PACRG: variants seen among roughly 807,000 people sequenced by gnomAD.
The protein encoded by PACRG is parkin coregulated, also known as parkin coregulated gene protein.
Under a neutral mutation model 29.7 loss-of-function variants are expected in PACRG, and 29 were observed. The observed-to-expected ratio is 0.98, with a 90% CI of 0.73 to 1.33. The LOEUF is 1.33. Ranked by LOEUF, PACRG falls within the 40% of genes most tolerant of loss-of-function variation. PACRG has a pLI of 0.00. For synonymous variants in PACRG, 116 were observed against 118.7 expected (o/e 0.98, Z 0.15); for missense variants, 279 against 316.2 (o/e 0.88, Z 0.89).
chr6:163,285,290 T>A (rs902282155), intron 4 of PACRG, among the ~76,000 whole-genome samples: 1 of 152,008 alleles, frequency 6.6e-6, no homozygotes. Context: ...CTGTGATCCT[T>A]TACGCCCCTG....
intron 3 of PACRG, among the ~76,000 whole-genome samples, chr6:163,070,942 A>G (rs549553755): frequency 1.3e-5 from 2 of 152,176 alleles, no homozygotes; most frequent in East Asian, 3.9e-4. Flanking sequence ...GTCATAAACT[A>G]TAAGAAGAAA....
chr6:162,773,076 G>A (rs1202486119), intron 1 of PACRG, among the ~76,000 whole-genome samples: 4 of 152,198 alleles, frequency 2.6e-5, no homozygotes, highest in African/African-American at 9.7e-5. Context: ...AGTGTGGCTG[G>A]TATGGTAGGG....
intron 2 of PACRG, among the ~76,000 whole-genome samples, chr6:162,845,431 T>C (rs1402759863): frequency 6.6e-6 from 1 of 152,066 alleles, no homozygotes; most frequent in Non-Finnish European, 1.5e-5. Context: ...TACCTTTTGG[T>C]AAAGTTTGTT....
At chr6:162,842,673 T>C (rs1789907255) in intron 2 of PACRG, among the ~76,000 whole-genome samples, 1 of 116,212 alleles carries the variant, frequency 8.6e-6, no homozygotes, top group Non-Finnish European at 1.7e-5. Flanking sequence ...CGTTAGTTGA[T>C]GCAGTTTCTT....
intron 4 of PACRG, among the ~76,000 whole-genome samples, chr6:163,232,058 G>A (rs113006029): frequency 8.5e-5 from 13 of 152,208 alleles, no homozygotes; most frequent in African/African-American, 2.9e-4. Context: ...CTTGAAGTGG[G>A]CACTGACTTG....
chr6:163,315,150 G>C lies in PACRG; in HGVS notation c.*163G>C. 2.8e-6 allele frequency: 2 copies of C among 714,862 alleles called. No homozygotes were observed. The highest frequency in any genetic ancestry group is 2.3e-6 in the Non-Finnish European group (1 of 444,096). The allele number at this position is 714,862 out of a possible 1,614,324, so 44.3% of individuals were successfully genotyped here. Reference sequence around the variant, plus strand: ...GACTGTTAGCCCTATTGAGAGCAAGGCTTTCCAATACATAAATAGTGTCTG... The same window carrying C: ...GACTGTTAGCCCTATTGAGAGCAAGCCTTTCCAATACATAAATAGTGTCTG... On this transcript the variant is annotated 3_prime_UTR_variant, in exon 5 of 5. Transcript: ENST00000366888.
intron 4 of PACRG, among the ~76,000 whole-genome samples, chr6:163,197,759 A>G (rs992881828): frequency 1.3e-5 from 2 of 151,978 alleles, no homozygotes; most frequent in East Asian, 1.9e-4. Flanking sequence ...GCTATTTTCT[A>G]TTCTTATGTT....
chr6:162,986,095 T>C (rs1423562450), intron 2 of PACRG, among the ~76,000 whole-genome samples: 1 of 152,146 alleles, frequency 6.6e-6, no homozygotes, highest in Non-Finnish European at 1.5e-5. Context: ...CATCCCATGC[T>C]CATGGATGGG....
intron 4 of PACRG, among the ~76,000 whole-genome samples, chr6:163,243,419 C>T (rs1471950430): frequency 6.6e-6 from 1 of 152,206 alleles, no homozygotes; most frequent in Non-Finnish European, 1.5e-5. Flanking sequence ...CAAGCGTATG[C>T]CTGCACCCCC....
chr6:163,312,723 T>C, intron 4 of PACRG: 1 of 400,376 alleles, frequency 2.5e-6, no homozygotes, highest in Non-Finnish European at 4.9e-6. Flanking sequence ...TTCAAAATCT[T>C]ATCTCTTGTT....
chr6:162,753,185 C>G (rs1781643409), intron 1 of PACRG, among the ~76,000 whole-genome samples: 1 of 151,992 alleles, frequency 6.6e-6, no homozygotes, highest in African/African-American at 2.4e-5. Flanking sequence ...TGCAGTAGAT[C>G]TCAAAATATG....
At chr6:163,065,597 AG>A (rs1377552503) in intron 3 of PACRG, among the ~76,000 whole-genome samples, 1 of 152,190 alleles carries the variant, frequency 6.6e-6, no homozygotes, top group African/African-American at 2.4e-5. Context: ...CACACAGGGA[AG>A]GAAGTATTGT....
At chr6:162,778,633 A>G (rs1258742002) in intron 1 of PACRG, among the ~76,000 whole-genome samples, 1 of 152,242 alleles carries the variant, frequency 6.6e-6, no homozygotes, top group Non-Finnish European at 1.5e-5. Flanking sequence ...GTAGAGACTC[A>G]GGGAAATCTA....
chr6:163,234,868 A>G (rs1782174141), intron 4 of PACRG, among the ~76,000 whole-genome samples: 1 of 152,222 alleles, frequency 6.6e-6, no homozygotes, highest in Admixed American at 6.5e-5. Context: ...AAAAAAATAA[A>G]TGAGAGTTGA....
Position 163,192,093 on chromosome 6 carries a change from A to T in PACRG, c.613+102685A>T, listed in dbSNP as rs550732792. On this transcript the variant is annotated intron_variant, in intron 4 of 4. Transcript: ENST00000366888. ...AGCACAGTTGTGCAGCTGCCTCCAGAGTCTCTGGGGGTTAGAGGGAATGAA... is the reference window on the plus strand; with the variant it reads ...AGCACAGTTGTGCAGCTGCCTCCAGTGTCTCTGGGGGTTAGAGGGAATGAA... 8 of 193,786 alleles carry T rather than the reference A, an allele frequency of 4.1e-5. No individual in the cohort carries two copies. The South Asian group carries it at 6.5e-4, about 16-fold the overall frequency. 12.0% of individuals were successfully genotyped at this position (193,786 alleles called of 1,614,324 possible).
chr6:163,277,651 ATG>A (rs568665734), intron 4 of PACRG, among the ~76,000 whole-genome samples: 236 of 146,678 alleles, frequency 1.6e-3, no homozygotes, highest in Non-Finnish European at 2.6e-3. Context: ...ATATATGTAT[ATG>A]TGTGTGTGTG....
At chr6:162,769,180 C>T (rs1783023161) in intron 1 of PACRG, among the ~76,000 whole-genome samples, 2 of 152,092 alleles carry the variant, frequency 1.3e-5, no homozygotes, top group Admixed American at 1.3e-4. Context: ...AATCTGCACA[C>T]CTTTTATTTA....
intron 4 of PACRG, among the ~76,000 whole-genome samples, chr6:163,234,312 C>T (rs959252120): frequency 3.3e-5 from 5 of 152,084 alleles, no homozygotes; most frequent in Admixed American, 6.5e-5. Flanking sequence ...AGTGACTTCT[C>T]ATGGGAGTGG....
At chr6:163,219,075 C>T (rs1781476323) in intron 4 of PACRG, among the ~76,000 whole-genome samples, 1 of 152,226 alleles carries the variant, frequency 6.6e-6, no homozygotes, top group South Asian at 2.1e-4. Flanking sequence ...GACAGAGTCA[C>T]AGGTTGATAT....
Sources: gnomAD v4.1 joint callset for allele counts (sites outside exome capture counted in the v4.1 genomes callset) on GRCh38, gnomAD v4.1.1 for gene constraint, MANE v1.5 for transcripts, NCBI Gene and HGNC (gene_info 2026-07-23, HGNC 2026-07-21) for gene names.